Variants in GRIA3 observed in about 807,000 individuals in gnomAD.
GRIA3 encodes glutamate ionotropic receptor AMPA type subunit 3, also known as glutamate receptor 3.
In GRIA3, 3 loss-of-function variants were observed where a neutral mutation model predicts 63.0. The observed-to-expected ratio is 0.05, with a 90% CI of 0.02 to 0.12. The LOEUF is 0.12. GRIA3 is among the 10% of genes least tolerant of loss of function. The pLI, the probability that GRIA3 is intolerant of heterozygous loss-of-function variation, is 1.00. For synonymous variants in GRIA3, 274 were observed against 257.9 expected, an observed-to-expected ratio of 1.06 and a Z score of -0.60; for missense variants, 347 against 700.9, an observed-to-expected ratio of 0.50 and a Z score of 5.70.
chrX:123,360,120 G>A (rs1274184485), intron 5 of GRIA3, among the ~76,000 whole-genome samples: 2 of 111,280 alleles, frequency 1.8e-5, no homozygotes, highest in African/African-American at 6.5e-5. Flanking sequence ...TTACATATCA[G>A]AAAATGGACT....
At chrX:123,412,488 A>T (rs1395814060) in intron 10 of GRIA3, among the ~76,000 whole-genome samples, 1 of 112,281 alleles carries the variant, frequency 8.9e-6, no homozygotes, top group Admixed American at 9.4e-5. Context: ...ACACTTTTCA[A>T]AAGAAAACTT....
intron 2 of GRIA3, chrX:123,204,494 A>G (rs1389472926): frequency 8.6e-7 from 1 of 1,165,108 alleles, no homozygotes; most frequent in Admixed American, 2.6e-5. Flanking sequence ...TCATGGAGGG[A>G]GAAGAAAGAA....
chrX:123,268,865 T>C (rs937321521), intron 3 of GRIA3, among the ~76,000 whole-genome samples: 5 of 112,415 alleles, frequency 4.4e-5, no homozygotes. Context: ...CTTTGTACCC[T>C]ATCTTGCAGG....
chrX:123,449,940 C>A (rs1338596021), intron 12 of GRIA3, among the ~76,000 whole-genome samples: 1 of 111,881 alleles, frequency 8.9e-6, no homozygotes, highest in Non-Finnish European at 1.9e-5. Flanking sequence ...CTTGATTCTT[C>A]TTCCTCTGGT....
intron 5 of GRIA3, among the ~76,000 whole-genome samples, chrX:123,393,218 A>C (rs1383182958): frequency 2.7e-5 from 3 of 112,601 alleles, no homozygotes; most frequent in African/African-American, 9.7e-5. Context: ...ATAACTGAAA[A>C]AGCTGTTTCA....
intron 2 of GRIA3, among the ~76,000 whole-genome samples, chrX:123,250,210 T>C (rs1426900568): frequency 9.0e-6 from 1 of 111,592 alleles, no homozygotes; most frequent in African/African-American, 3.3e-5. Flanking sequence ...TTACCAGTAA[T>C]GTTATAGTTC....
intron 13 of GRIA3, among the ~76,000 whole-genome samples, chrX:123,476,829 C>T (rs1369771045): frequency 1.8e-5 from 2 of 111,385 alleles, no homozygotes; most frequent in Admixed American, 1.9e-4. Flanking sequence ...TCAAAGGCAG[C>T]ATTTGTTGCC....
At chrX:123,191,299 A>T (rs1440721676) in intron 2 of GRIA3, among the ~76,000 whole-genome samples, 1 of 112,293 alleles carries the variant, frequency 8.9e-6, no homozygotes, top group African/African-American at 3.2e-5. Flanking sequence ...TATCCACAGG[A>T]GGGTGCAATT....
chrX:123,485,741 T>C (rs1332324638), intron 15 of GRIA3, among the ~76,000 whole-genome samples: 9 of 111,873 alleles, frequency 8.0e-5, no homozygotes, highest in African/African-American at 2.9e-4. Flanking sequence ...AGACTCTTTA[T>C]CAACGATTCC....
At chrX:123,372,974 T>C (rs187355024) in intron 5 of GRIA3, among the ~76,000 whole-genome samples, 1 of 109,588 alleles carries the variant, frequency 9.1e-6, no homozygotes, top group Non-Finnish European at 1.9e-5. Flanking sequence ...CATTAACTCA[T>C]CATTTACATT....
At chrX:123,232,478 G>T (rs1435416101) in intron 2 of GRIA3, among the ~76,000 whole-genome samples, 1 of 111,546 alleles carries the variant, frequency 9.0e-6, no homozygotes, top group Non-Finnish European at 1.9e-5. Context: ...TATTTAGTGG[G>T]TACAGAGTTT....
At chrX:123,477,633 A>G (rs1334160426) in intron 13 of GRIA3, among the ~76,000 whole-genome samples, 1 of 112,226 alleles carries the variant, frequency 8.9e-6, no homozygotes, top group East Asian at 2.8e-4. Context: ...AAAGGGTTTC[A>G]GGGATCCTCC....
At chrX:123,237,734 A>G (rs1161763990) in intron 2 of GRIA3, among the ~76,000 whole-genome samples, 1 of 112,499 alleles carries the variant, frequency 8.9e-6, no homozygotes, top group Non-Finnish European at 1.9e-5. Context: ...ACTGAGCAGC[A>G]AAGTGCTAGA....
intron 4 of GRIA3, among the ~76,000 whole-genome samples, chrX:123,348,637 C>T (rs777711405): frequency 9.0e-6 from 1 of 111,699 alleles, no homozygotes; most frequent in African/African-American, 3.2e-5. Context: ...TGGAAAGATC[C>T]AGGAATTTAA....
intron 2 of GRIA3, among the ~76,000 whole-genome samples, chrX:123,235,803 G>T (rs1000267275): frequency 9.7e-6 from 1 of 102,906 alleles, no homozygotes; most frequent in African/African-American, 3.6e-5. Flanking sequence ...TGTGTAGAGT[G>T]ATTCCGGTGG....
intron 3 of GRIA3, among the ~76,000 whole-genome samples, chrX:123,260,713 A>T (rs1249165023): frequency 9.2e-6 from 1 of 108,229 alleles, no homozygotes; most frequent in Non-Finnish European, 1.9e-5. Context: ...TACTTTTTAC[A>T]TCTGAATAAA....
In GRIA3 at chrX:123,490,703, T is replaced by C. The variant is rs2045963854; in HGVS notation, c.*1993T>C. The C allele has an allele frequency of 8.9e-6, 1 of 112,351 alleles. No homozygotes were observed. The highest frequency in any genetic ancestry group is 3.7e-4 in the South Asian group (1 of 2,702). The allele number at this position is 112,351 out of a possible 1,213,427, so 9.3% of individuals were successfully genotyped here. A position where few individuals can be genotyped will look rare whatever the true frequency, so the allele number is the denominator to read the frequency against. Reference sequence around the variant, plus strand: ...AATTTCTGCTACTAACTTCAAGCTATGGGAGTTTGGCAGTAGTCACTTGAG... The same window carrying C: ...AATTTCTGCTACTAACTTCAAGCTACGGGAGTTTGGCAGTAGTCACTTGAG... On this transcript the variant is annotated 3_prime_UTR_variant, in exon 16 of 16. Transcript: ENST00000620443.
chrX:123,429,534 T>C (rs2045606880), intron 12 of GRIA3, among the ~76,000 whole-genome samples: 2 of 111,831 alleles, frequency 1.8e-5, no homozygotes, highest in South Asian at 7.5e-4. Flanking sequence ...CCCAGAAGCT[T>C]ATTTAGAAAC....
At chrX:123,277,547 C>T (rs750457244) in intron 3 of GRIA3, among the ~76,000 whole-genome samples, 1 of 111,511 alleles carries the variant, frequency 9.0e-6, no homozygotes, top group Admixed American at 9.5e-5. Flanking sequence ...AGAGCCAGTG[C>T]ATGTTGAGAC....
Sources: allele counts gnomAD v4.1 joint callset (sites outside exome capture counted in the v4.1 genomes callset), GRCh38; gene constraint gnomAD v4.1.1; transcripts MANE v1.5; gene names NCBI Gene and HGNC (gene_info 2026-07-23, HGNC 2026-07-21).